Variants in PAX2 observed in about 807,000 individuals in gnomAD.
PAX2 encodes the protein paired box 2.
Under a neutral mutation model 41.7 loss-of-function variants are expected in PAX2, and 9 were observed. The observed-to-expected ratio is 0.22, with a 90% CI of 0.13 to 0.38. PAX2 has a LOEUF of 0.38. PAX2 is among the 10% of genes least tolerant of loss of function. PAX2 has a pLI of 1.00. For synonymous variants in PAX2, 221 were observed against 212.7 expected, an observed-to-expected ratio of 1.04 and a Z score of -0.34; for missense variants, 418 against 531.6, an observed-to-expected ratio of 0.79 and a Z score of 2.10.
At chr10:100,735,614 G>A in exon 1 of PAX2, 1 of 995,150 alleles carries the variant, frequency 1.0e-6, no homozygotes. Flanking sequence ...ATCTCCGGGC[G>A]GCGGCGGCGG....
intron 5 of PAX2, among the ~76,000 whole-genome samples, chr10:100,801,764 G>C (rs940636996): frequency 6.6e-6 from 1 of 152,242 alleles, no homozygotes; most frequent in African/African-American, 2.4e-5. Context: ...GGAGCCAAGT[G>C]GCCTTCAACT....
At chr10:100,773,331 TGCCCA>T (rs1375671120) in intron 3 of PAX2, among the ~76,000 whole-genome samples, 2 of 152,204 alleles carry the variant, frequency 1.3e-5, no homozygotes, top group African/African-American at 4.8e-5. Flanking sequence ...CTAGAAAGCC[TGCCCA>T]GCCTAGTCCA....
chr10:100,786,769 A>G (rs1378159778), intron 5 of PAX2, among the ~76,000 whole-genome samples: 1 of 152,202 alleles, frequency 6.6e-6, no homozygotes, highest in Non-Finnish European at 1.5e-5. Context: ...CCTAGGGCCC[A>G]AGACTAGGGA....
intron 3 of PAX2, among the ~76,000 whole-genome samples, chr10:100,756,487 A>G (rs1845636698): frequency 6.6e-6 from 1 of 152,240 alleles, no homozygotes; most frequent in African/African-American, 2.4e-5. Flanking sequence ...CTTTCAATAC[A>G]GTATTCAATA....
intron 5 of PAX2, among the ~76,000 whole-genome samples, chr10:100,794,783 G>C (rs573318032): frequency 6.6e-6 from 1 of 152,270 alleles, no homozygotes; most frequent in East Asian, 1.9e-4. Flanking sequence ...TGAGTTCGTG[G>C]TCAACTAAAA....
chr10:100,747,480 CTT>C, intron 1 of PAX2: 2 of 294,208 alleles, frequency 6.8e-6, no homozygotes, highest in Non-Finnish European at 1.0e-5. Flanking sequence ...TTTTTGCAGG[CTT>C]TTTTTTTTAA....
At chr10:100,741,994 G>A (rs2133815326), upstream of PAX2, among the ~76,000 whole-genome samples, 1 of 152,310 alleles carries the variant, frequency 6.6e-6, no homozygotes, top group Admixed American at 6.5e-5. Flanking sequence ...ACGGGGGAGG[G>A]GCGCGGCTGG....
chr10:100,798,392 A>G (rs1421179878), intron 5 of PAX2, among the ~76,000 whole-genome samples: 1 of 152,034 alleles, frequency 6.6e-6, no homozygotes, highest in Admixed American at 6.6e-5. Context: ...CTGGGATTAC[A>G]GGAGTGAGCC....
rs2133822299 is a variant in PAX2, at chr10:100,745,841, A to G, written c.-420A>G. The G allele has an allele frequency of 9.4e-7, 1 of 1,061,366 alleles. No homozygotes were observed. The highest frequency in any genetic ancestry group is 1.7e-5 in the African/African-American group (1 of 59,488). 65.7% of individuals were successfully genotyped at this position (1,061,366 alleles called of 1,614,324 possible). On this transcript the variant is annotated 5_prime_UTR_variant, in exon 1 of 10. Transcript: ENST00000355243. Reference sequence around the variant, plus strand: ...CCGGCTCCCCTCCCGGCGCCCTCTGACCGCCCCCGCCCCGCGCGCTCTCCG... The same window carrying G: ...CCGGCTCCCCTCCCGGCGCCCTCTGGCCGCCCCCGCCCCGCGCGCTCTCCG...
At position 100,777,156 on chromosome 10, in the gene PAX2, C is replaced by T. The variant is rs181081657; in HGVS notation, c.411-2342C>T. ...TTACTCTGTCGCCTAGGCTGGAGTGCAGAGGCACAATCTCAGCTCACTGCA... is the reference window on the plus strand; with the variant it reads ...TTACTCTGTCGCCTAGGCTGGAGTGTAGAGGCACAATCTCAGCTCACTGCA... On this transcript the variant is annotated intron_variant, in intron 3 of 9. Coordinates refer to ENST00000355243, the MANE Select transcript of PAX2 (RefSeq NM_000278.5). 4.2e-5 allele frequency among the ~76,000 whole-genome samples: 6 copies of T among 143,676 alleles called. No individual in the cohort carries two copies. The East Asian group carries it at 1.3e-3, about 30-fold the overall frequency. The allele number at this position is 143,676 out of a possible 152,430, so 94.3% of individuals were successfully genotyped here.
At chr10:100,823,770 G>A (rs1164501999) in intron 7 of PAX2, among the ~76,000 whole-genome samples, 1 of 152,116 alleles carries the variant, frequency 6.6e-6, no homozygotes, top group Non-Finnish European at 1.5e-5. Flanking sequence ...CCCCTTCATA[G>A]CCATGGAGGA....
upstream of PAX2, among the ~76,000 whole-genome samples, chr10:100,744,720 A>G (rs1406295700): frequency 6.6e-6 from 1 of 151,892 alleles, no homozygotes; most frequent in Non-Finnish European, 1.5e-5. Flanking sequence ...CTTCCCAGTC[A>G]CCCGAGGGTT....
Position 100,824,185 on chromosome 10 carries a change from A to G in PAX2, c.920-463A>G, listed in dbSNP as rs965264362. Among the ~76,000 whole-genome samples, 8 of 152,128 alleles carry G rather than the reference A, an allele frequency of 5.3e-5. No individual in the cohort carries two copies. The highest frequency in any genetic ancestry group is 1.4e-4 in the African/African-American group (6 of 41,396). Reference sequence around the variant, plus strand: ...GTGGGGTGTCCTCCAAGCCTGAAGGAAAGATGGGGTGTTAGGGAGAGGAAA... The same window carrying G: ...GTGGGGTGTCCTCCAAGCCTGAAGGGAAGATGGGGTGTTAGGGAGAGGAAA... On this transcript the variant is annotated intron_variant, in intron 7 of 9. Coordinates refer to ENST00000355243, the MANE Select transcript of PAX2 (RefSeq NM_000278.5). The surrounding 1 kb of genome is among the most constrained non-coding windows in gnomAD (Gnocchi z 6.6).
intron 7 of PAX2, among the ~76,000 whole-genome samples, chr10:100,815,191 A>G (rs1848146813): frequency 6.6e-6 from 1 of 152,222 alleles, no homozygotes; most frequent in South Asian, 2.1e-4. Flanking sequence ...ATTTCCCTCC[A>G]TAAAACAAAC....
Position 100,748,113 on chromosome 10 carries a change from G to T in PAX2, c.44-1633G>T. 2.0e-6 allele frequency: 2 copies of T among 985,176 alleles called. No homozygotes were observed. Among genetic ancestry groups the T allele is most frequent in the Non-Finnish European group, 2.4e-6 (2 of 829,912 alleles). The allele number at this position is 985,176 out of a possible 1,614,324, so 61.0% of individuals were successfully genotyped here. Reference sequence around the variant, plus strand: ...GACTCGCTGCAGTCCCCCAGCCCTGGACTCCCGCCGTGTCCCCTTCCCATC... The same window carrying T: ...GACTCGCTGCAGTCCCCCAGCCCTGTACTCCCGCCGTGTCCCCTTCCCATC... On this transcript the variant is annotated intron_variant, in intron 1 of 9. Transcript: ENST00000355243. The surrounding 1 kb of genome is among the most constrained non-coding windows in gnomAD (Gnocchi z 5.0).
At chr10:100,777,563 T>G (rs1388210279) in intron 3 of PAX2, among the ~76,000 whole-genome samples, 1 of 151,980 alleles carries the variant, frequency 6.6e-6, no homozygotes, top group Non-Finnish European at 1.5e-5. Context: ...CCTGGCTAAT[T>G]TTTGTACTTT....
intron 7 of PAX2, among the ~76,000 whole-genome samples, chr10:100,815,409 T>C (rs1195934151): frequency 2.0e-5 from 3 of 152,070 alleles, no homozygotes; most frequent in Non-Finnish European, 4.4e-5. Context: ...AGAGATCCCT[T>C]TACTGTGGAG....
chr10:100,824,807 G>C lies in PAX2; in HGVS notation c.1021+58G>C. On this transcript the variant is annotated intron_variant, in intron 8 of 9. Transcript: ENST00000355243. The surrounding 1 kb of genome is among the most constrained non-coding windows in gnomAD (Gnocchi z 6.6). ...GTGGGGGGAACTAAATTGTGGGTGA[G>C]CTGCTGAATGGTCTGTAGTCTGAGG... 2.7e-6 allele frequency: 4 copies of C among 1,492,926 alleles called. No homozygotes were observed. The highest frequency in any genetic ancestry group is 3.7e-6 in the Non-Finnish European group (4 of 1,069,508). The allele number at this position is 1,492,926 out of a possible 1,614,324, so 92.5% of individuals were successfully genotyped here.
Position 100,827,759 on chromosome 10 carries a change from G to T in PAX2, c.*140G>T. The T allele has an allele frequency of 7.3e-7, 1 of 1,373,844 alleles. No homozygotes were observed. Among genetic ancestry groups the T allele is most frequent in the Non-Finnish European group, 1.0e-6 (1 of 974,196 alleles). 85.1% of individuals were successfully genotyped at this position (1,373,844 alleles called of 1,614,324 possible). A position where few individuals can be genotyped will look rare whatever the true frequency, so the allele number is the denominator to read the frequency against. ...CCGCCCCAGCCTCACCCCATCCCACGACCCCCGCAACCCTTCACATCACCC... is the reference window on the plus strand; with the variant it reads ...CCGCCCCAGCCTCACCCCATCCCACTACCCCCGCAACCCTTCACATCACCC... On this transcript the variant is annotated 3_prime_UTR_variant, in exon 10 of 10. Coordinates refer to ENST00000355243, the MANE Select transcript of PAX2 (RefSeq NM_000278.5). The surrounding 1 kb of genome is among the most constrained non-coding windows in gnomAD (Gnocchi z 8.5).
Sources: allele counts gnomAD v4.1 joint callset (sites outside exome capture counted in the v4.1 genomes callset), GRCh38; gene constraint gnomAD v4.1.1; non-coding constraint Gnocchi (gnomAD v3.1); transcripts MANE v1.5; gene names NCBI Gene and HGNC (gene_info 2026-07-23, HGNC 2026-07-21).